The following ASAP1 variants were observed in gnomAD, a reference collection of about 807,000 sequenced individuals.
ASAP1 encodes the protein arf-GAP with SH3 domain, ANK repeat and PH domain-containing protein 1.
In ASAP1, 43 loss-of-function variants were observed where a neutral mutation model predicts 145.2. The observed-to-expected ratio is 0.30, with a 90% CI of 0.23 to 0.38. The LOEUF is 0.38. ASAP1 is among the 10% of genes least tolerant of loss of function. The probability of loss-of-function intolerance (pLI) is 1.00; values close to 1 mark genes in which losing one functional copy is unlikely to be tolerated. For synonymous variants in ASAP1, 546 were observed against 515.5 expected (o/e 1.06, Z -0.80); for missense variants, 1,018 against 1,355.3 (o/e 0.75, Z 3.91).
At chr8:130,321,608 A>G (rs1824009667) in intron 3 of ASAP1, among the ~76,000 whole-genome samples, 1 of 151,740 alleles carries the variant, frequency 6.6e-6, no homozygotes, top group Non-Finnish European at 1.5e-5. Context: ...CCTAATAAAG[A>G]CTCTGTTTTA....
Position 130,408,252 on chromosome 8 carries a change from G to T in ASAP1, c.-27-6282C>A, listed in dbSNP as rs73425601. On this transcript the variant is annotated intron_variant, in intron 1 of 29. Coordinates refer to ENST00000518721, the MANE Select transcript of ASAP1 (RefSeq NM_018482.4). Reference sequence around the variant, plus strand: ...AGCTGGTAAAACAGCATTTCTGGTTGTGTCTGTGAGGGTGTTTCTGCAAGA... The same window carrying T: ...AGCTGGTAAAACAGCATTTCTGGTTTTGTCTGTGAGGGTGTTTCTGCAAGA... Among the ~76,000 whole-genome samples the T allele has an allele frequency of 5.9e-3, 897 of 152,322 alleles. 8 individuals are homozygous for T. The highest frequency in any genetic ancestry group is 0.021 in the African/African-American group (868 of 41,562).
At chr8:130,426,080 T>C (rs965744850) in intron 1 of ASAP1, among the ~76,000 whole-genome samples, 2 of 152,204 alleles carry the variant, frequency 1.3e-5, no homozygotes, top group African/African-American at 2.4e-5. Context: ...AGGAGGGGCC[T>C]TGTGGGAGGT....
intron 2 of ASAP1, among the ~76,000 whole-genome samples, chr8:130,372,659 T>G (rs183006767): frequency 1.7e-3 from 254 of 152,342 alleles, no homozygotes; most frequent in Non-Finnish European, 2.5e-3. Flanking sequence ...TTTTCCACAG[T>G]TTTTTTCTGT....
chr8:130,148,202 C>A (rs1464833084), intron 13 of ASAP1, among the ~76,000 whole-genome samples: 1 of 147,902 alleles, frequency 6.8e-6, no homozygotes, highest in East Asian at 2.1e-4. Flanking sequence ...AAAGACCTAA[C>A]AACAATCTGG....
chr8:130,315,998 C>T (rs556032326), intron 3 of ASAP1, among the ~76,000 whole-genome samples: 1 of 152,244 alleles, frequency 6.6e-6, no homozygotes, highest in Admixed American at 6.5e-5. Context: ...CTTCGGGTCC[C>T]TTCTCTGCAG....
At chr8:130,426,569 T>C (rs1829926621) in intron 1 of ASAP1, among the ~76,000 whole-genome samples, 1 of 152,154 alleles carries the variant, frequency 6.6e-6, no homozygotes, top group African/African-American at 2.4e-5. Context: ...TGCACCAACT[T>C]TCTTGTCACT....
chr8:130,390,412 T>C (rs2138474989), intron 2 of ASAP1, among the ~76,000 whole-genome samples: 1 of 152,338 alleles, frequency 6.6e-6, no homozygotes, highest in Non-Finnish European at 1.5e-5. Flanking sequence ...GATGTACTCA[T>C]GTGTTTTATA....
chr8:130,374,426 T>C (rs1391859648), intron 2 of ASAP1, among the ~76,000 whole-genome samples: 3 of 152,240 alleles, frequency 2.0e-5, no homozygotes, highest in Non-Finnish European at 2.9e-5. Flanking sequence ...TTCCAGCACC[T>C]TGGGAGTCCA....
chr8:130,426,331 T>C (rs1418903095), intron 1 of ASAP1, among the ~76,000 whole-genome samples: 2 of 152,110 alleles, frequency 1.3e-5, no homozygotes, highest in African/African-American at 2.4e-5. Flanking sequence ...CATGTGCTGA[T>C]TAAACCTCTT....
chr8:130,071,827 TTAA>T (rs1206134935), intron 27 of ASAP1, among the ~76,000 whole-genome samples: 1 of 152,222 alleles, frequency 6.6e-6, no homozygotes, highest in Non-Finnish European at 1.5e-5. Context: ...GGACTAATTA[TTAA>T]TGATTGTGTA....
rs564821406 is a variant in ASAP1, at chr8:130,168,677, A to G, written c.822+315T>C. Among the ~76,000 whole-genome samples, 6 of 152,254 alleles carry G rather than the reference A, an allele frequency of 3.9e-5. No individual in the cohort carries two copies. In the South Asian group the frequency reaches 1.2e-3, roughly 32 times the overall value. ...CAGAGTCAATTTTTATCCTTCCACA[A>G]TCATGCATTCTTTCTGCAACTGCTG... is the stretch of plus-strand genomic sequence containing the variant. On this transcript the variant is annotated intron_variant, in intron 10 of 29. Transcript: ENST00000518721.
chr8:130,401,328 C>CT (rs1256649362), intron 2 of ASAP1, among the ~76,000 whole-genome samples: 2 of 152,098 alleles, frequency 1.3e-5, no homozygotes, highest in Non-Finnish European at 2.9e-5. Flanking sequence ...TCACTGCAAC[C>CT]TTTGCCTCCT....
intron 27 of ASAP1, among the ~76,000 whole-genome samples, chr8:130,070,443 C>T (rs1380908268): frequency 6.6e-6 from 1 of 152,148 alleles, no homozygotes; most frequent in African/African-American, 2.4e-5. Flanking sequence ...TAAATCTGCT[C>T]TCCAATATTA....
intron 3 of ASAP1, among the ~76,000 whole-genome samples, chr8:130,256,032 T>C (rs1052476251): frequency 6.6e-6 from 1 of 152,076 alleles, no homozygotes. Context: ...ACAGAATATC[T>C]TATTAGGAAG....
intron 3 of ASAP1, among the ~76,000 whole-genome samples, chr8:130,319,316 A>G (rs56086422): frequency 0.1 from 15,149 of 152,244 alleles, 893 homozygotes; most frequent in African/African-American, 0.16. Flanking sequence ...AAAATAAAAT[A>G]AAAAAAGGAA....
rs116316461 is a variant in ASAP1 at position 130,063,552 on chromosome 8, G to C, written c.2702-2483C>G. Among the ~76,000 whole-genome samples, 215 of 152,298 alleles carry C rather than the reference G, an allele frequency of 1.4e-3. 1 individual carries two copies. Among genetic ancestry groups the C allele is most frequent in the African/African-American group, 4.6e-3 (193 of 41,586 alleles). On this transcript the variant is annotated intron_variant, in intron 27 of 29. Coordinates refer to ENST00000518721, the MANE Select transcript of ASAP1 (RefSeq NM_018482.4). ...AGGTGACTCAACTCTGGGCAGGAGA[G>C]AGATGGGACTACAGGGCAGGGAAAG...
intron 4 of ASAP1, among the ~76,000 whole-genome samples, chr8:130,225,994 C>T (rs1817564823): frequency 6.6e-6 from 1 of 151,722 alleles, no homozygotes; most frequent in African/African-American, 2.4e-5. Flanking sequence ...ATTCCCACTT[C>T]AGTCTCTCCC....
At chr8:130,283,584 AAAG>A (rs1322987067) in intron 3 of ASAP1, among the ~76,000 whole-genome samples, 212 of 4,990 alleles carry the variant, frequency 0.042, 34 homozygotes, top group African/African-American at 0.15. Flanking sequence ...TCCATCACAG[AAAG>A]AAAAAAAAAA....
At chr8:130,203,335 T>G (rs563253196) in intron 5 of ASAP1, among the ~76,000 whole-genome samples, 43 of 152,318 alleles carry the variant, frequency 2.8e-4, no homozygotes, top group Non-Finnish European at 5.4e-4. Flanking sequence ...AGGGTGTACA[T>G]GGCTCAAAGC....
Sources: allele counts gnomAD v4.1 joint callset (sites outside exome capture counted in the v4.1 genomes callset), GRCh38; gene constraint gnomAD v4.1.1; transcripts MANE v1.5; gene names NCBI Gene and HGNC (gene_info 2026-07-23, HGNC 2026-07-21).